Variants in DCC observed in about 807,000 individuals in gnomAD.
DCC encodes DCC netrin 1 receptor.
Under a neutral mutation model 172.5 loss-of-function variants are expected in DCC, and 58 were observed. That is an observed-to-expected ratio of 0.34 (90% CI 0.27 to 0.42). The LOEUF (loss-of-function observed/expected upper bound fraction) is 0.42, where lower values mean the gene tolerates loss of function less well. Ranked by LOEUF, DCC falls within the 10% of genes least tolerant of loss-of-function variation. DCC has a pLI of 1.00. For missense variants in DCC, 1,740 were observed against 1,791.0 expected, an observed-to-expected ratio of 0.97 and a Z score of 0.51; for synonymous variants, 709 against 644.5, an observed-to-expected ratio of 1.10 and a Z score of -1.52.
At chr18:53,180,011 C>T (rs1424387972) in intron 9 of DCC, among the ~76,000 whole-genome samples, 4 of 152,014 alleles carry the variant, frequency 2.6e-5, no homozygotes, top group Admixed American at 6.6e-5. Flanking sequence ...GTTCATTTTA[C>T]GTGAAACTGT....
intron 5 of DCC, among the ~76,000 whole-genome samples, chr18:52,985,677 T>TC (rs996973695): frequency 1.3e-5 from 2 of 152,144 alleles, no homozygotes; most frequent in Non-Finnish European, 2.9e-5. Flanking sequence ...TCTTTTTTTT[T>TC]CCCTTAAAAC....
At chr18:53,062,188 C>T (rs1434343007) in intron 5 of DCC, among the ~76,000 whole-genome samples, 1 of 152,022 alleles carries the variant, frequency 6.6e-6, no homozygotes, top group East Asian at 1.9e-4. Flanking sequence ...AAAATCAGGA[C>T]TTAAATCCTG....
At chr18:52,995,896 T>C (rs72930022) in intron 5 of DCC, among the ~76,000 whole-genome samples, 3,218 of 151,308 alleles carry the variant, frequency 0.021, 59 homozygotes, top group Admixed American at 0.038. Context: ...TTTGTTTCTG[T>C]CTCCTGCTTT....
intron 5 of DCC, among the ~76,000 whole-genome samples, chr18:52,947,739 A>G (rs1185311267): frequency 6.6e-6 from 1 of 152,208 alleles, no homozygotes; most frequent in Non-Finnish European, 1.5e-5. Context: ...GCATGCTGCC[A>G]GACAGTTGTG....
At chr18:53,414,059 A>C (rs1486841184) in intron 20 of DCC, among the ~76,000 whole-genome samples, 1 of 152,190 alleles carries the variant, frequency 6.6e-6, no homozygotes, top group Non-Finnish European at 1.5e-5. Flanking sequence ...AGAAGCCATT[A>C]ATTTTCAATG....
chr18:52,958,253 C>T (rs989890702), intron 5 of DCC, among the ~76,000 whole-genome samples: 1 of 151,562 alleles, frequency 6.6e-6, no homozygotes, highest in Non-Finnish European at 1.5e-5. Flanking sequence ...TTATAATCTG[C>T]ATTTTTTTGT....
intron 15 of DCC, among the ~76,000 whole-genome samples, chr18:53,375,121 G>A (rs1386517196): frequency 6.6e-6 from 1 of 152,136 alleles, no homozygotes; most frequent in Non-Finnish European, 1.5e-5. Flanking sequence ...GGGTTCCTAC[G>A]AAGATAAGTG....
intron 5 of DCC, among the ~76,000 whole-genome samples, chr18:53,052,693 G>A (rs918878779): frequency 6.6e-6 from 1 of 152,044 alleles, no homozygotes; most frequent in Non-Finnish European, 1.5e-5. Context: ...AGCTTTGCTG[G>A]CTAGTACTGT....
In DCC at chr18:53,386,023, T is replaced by A. The variant is rs1477617781; in HGVS notation, c.2360-20T>A. ...ATTAAATATATCAACACGTTCATAT[T>A]GTTTCTGTTTTTTCTCCAGAGTCAA... On this transcript the variant is annotated intron_variant, in intron 15 of 28. Coordinates refer to ENST00000442544, the MANE Select transcript of DCC (RefSeq NM_005215.4). 6.7e-7 allele frequency: 1 copy of A among 1,487,474 alleles called. No individual in the cohort carries two copies. The highest frequency in any genetic ancestry group is 1.7e-4 in the Middle Eastern group (1 of 5,834). The allele number at this position is 1,487,474 out of a possible 1,614,324, so 92.1% of individuals were successfully genotyped here.
rs372265335 is a variant in DCC at position 53,013,172 on chromosome 18, G to A, written c.986-50133G>A. On this transcript the variant is annotated intron_variant, in intron 5 of 28. Coordinates refer to ENST00000442544, the MANE Select transcript of DCC (RefSeq NM_005215.4). ...GTGGAAGACAGTGTGGTGATTCCTC[G>A]AGGATCTAGAACCACAAATACCATT... Among the ~76,000 whole-genome samples the A allele has an allele frequency of 6.6e-5, 10 of 152,084 alleles. 1 individual carries two copies. The highest frequency in any genetic ancestry group is 1.4e-4 in the African/African-American group (6 of 41,512).
rs1288365267 is a variant in DCC, at chr18:53,315,663, C to T, written c.2054-6384C>T. Among the ~76,000 whole-genome samples the T allele has an allele frequency of 3.3e-5, 5 of 152,098 alleles. No individual in the cohort carries two copies. The East Asian group carries it at 7.7e-4, about 23-fold the overall frequency. ...TTTTAATGATCACCATTCTAACTGACATGAGATGGTATCTCATTGTGGTTT... is the reference window on the plus strand; with the variant it reads ...TTTTAATGATCACCATTCTAACTGATATGAGATGGTATCTCATTGTGGTTT... On this transcript the variant is annotated intron_variant, in intron 13 of 28. Coordinates refer to ENST00000442544, the MANE Select transcript of DCC (RefSeq NM_005215.4).
At chr18:52,831,774 A>G in intron 2 of DCC, among the ~76,000 whole-genome samples, 1 of 152,140 alleles carries the variant, frequency 6.6e-6, no homozygotes, top group Non-Finnish European at 1.5e-5. Context: ...CAGATAATAT[A>G]CAAATGTGGA....
chr18:53,090,469 G>A (rs1453995948), intron 7 of DCC, among the ~76,000 whole-genome samples: 2 of 151,566 alleles, frequency 1.3e-5, no homozygotes, highest in African/African-American at 4.8e-5. Context: ...CGAGGCGGGC[G>A]GATCACGAGG....
At chr18:52,884,409 A>C (rs116789164) in intron 2 of DCC, among the ~76,000 whole-genome samples, 1 of 149,182 alleles carries the variant, frequency 6.7e-6, no homozygotes, top group South Asian at 2.1e-4. Flanking sequence ...TATTTCCTCC[A>C]TGTATTTTCA....
At chr18:53,475,229 GA>G (rs951250499) in intron 25 of DCC, among the ~76,000 whole-genome samples, 2 of 152,182 alleles carry the variant, frequency 1.3e-5, no homozygotes, top group African/African-American at 4.8e-5. Flanking sequence ...CAATACAATA[GA>G]AAAGAAAATC....
intron 2 of DCC, among the ~76,000 whole-genome samples, chr18:52,855,271 A>G (rs1000591947): frequency 1.3e-5 from 2 of 152,206 alleles, no homozygotes; most frequent in South Asian, 2.1e-4. Context: ...TCAACAAAGT[A>G]TGGCACTTCC....
At chr18:52,626,937 A>G (rs748254423) in intron 1 of DCC, among the ~76,000 whole-genome samples, 37 of 152,134 alleles carry the variant, frequency 2.4e-4, no homozygotes, top group Non-Finnish European at 4.4e-4. Context: ...CCTTGGTATC[A>G]TGGAATCTCC....
chr18:53,282,255 T>C (rs1430146505), intron 12 of DCC, among the ~76,000 whole-genome samples: 1 of 152,156 alleles, frequency 6.6e-6, no homozygotes, highest in Non-Finnish European at 1.5e-5. Flanking sequence ...ATAGCTGAGT[T>C]GGGATTTAAA....
intron 14 of DCC, among the ~76,000 whole-genome samples, chr18:53,334,343 C>A (rs2057567745): frequency 1.3e-5 from 2 of 152,156 alleles, no homozygotes; most frequent in African/African-American, 2.4e-5. Flanking sequence ...TCTTGACTTG[C>A]CTTGCCTATA....
Sources: allele counts gnomAD v4.1 joint callset (sites outside exome capture counted in the v4.1 genomes callset), GRCh38; gene constraint gnomAD v4.1.1; transcripts MANE v1.5; gene names NCBI Gene and HGNC (gene_info 2026-07-23, HGNC 2026-07-21).